The following AMZ1 variants were observed in gnomAD, a reference collection of about 807,000 sequenced individuals.
AMZ1 encodes the protein archaelysin family metallopeptidase 1, also known as archaemetzincin-1.
A neutral mutation model predicts 29.9 loss-of-function variants in AMZ1; 39 were observed. That is an observed-to-expected ratio of 1.30 (90% confidence interval 1.01 to 1.70). AMZ1 has a LOEUF of 1.70. AMZ1 is among the 40% of genes most tolerant of loss of function. AMZ1 has a pLI of 0.00. For synonymous variants in AMZ1, 458 were observed against 304.0 expected, an observed-to-expected ratio of 1.51 and a Z score of -5.27; for missense variants, 1,041 against 680.6, an observed-to-expected ratio of 1.53 and a Z score of -5.89.
chr7:2,717,130 G>A lies in AMZ1; in HGVS notation c.*4252G>A, dbSNP rs886189772. Among the ~76,000 whole-genome samples the A allele has an allele frequency of 2.0e-5, 3 of 152,184 alleles. No homozygotes were observed. Among genetic ancestry groups the A allele is most frequent in the Non-Finnish European group, 4.4e-5 (3 of 68,030 alleles). ...GCTTTCTGGCCCGTGCAGCTCCTTC[G>A]GACTCTGAGGAGAGGCCTGGGTGGG... is the stretch of plus-strand genomic sequence containing the variant. On this transcript the variant is annotated 3_prime_UTR_variant, in exon 7 of 7. Coordinates refer to ENST00000683327, the MANE Select transcript of AMZ1 (RefSeq NM_001384743.1).
Position 2,712,023 on chromosome 7 carries a change from G to C in AMZ1, c.949-307G>C, listed in dbSNP as rs1788812895. On this transcript the variant is annotated intron_variant, in intron 6 of 6. Coordinates refer to ENST00000683327, the MANE Select transcript of AMZ1 (RefSeq NM_001384743.1). Reference sequence around the variant, plus strand: ...GATCGCAGCACTGCACTCCAGCCTGGCCAACAGAGTGAGCCTCTGTCTTAA... The same window carrying C: ...GATCGCAGCACTGCACTCCAGCCTGCCCAACAGAGTGAGCCTCTGTCTTAA... Among the ~76,000 whole-genome samples, 5 of 151,288 alleles carry C rather than the reference G, an allele frequency of 3.3e-5. 1 individual carries two copies.
chr7:2,704,075 G>C (rs1466039471), intron 3 of AMZ1, among the ~76,000 whole-genome samples: 8 of 152,202 alleles, frequency 5.3e-5, no homozygotes, highest in Admixed American at 3.3e-4. Flanking sequence ...ATTTTTAGTA[G>C]AGACGGGATT....
At chr7:2,682,197 C>G (rs1052481440) in intron 1 of AMZ1, among the ~76,000 whole-genome samples, 4 of 152,042 alleles carry the variant, frequency 2.6e-5, no homozygotes, top group African/African-American at 9.7e-5. Flanking sequence ...TGTCTGGGAG[C>G]TCGCCCTGCT....
Position 2,698,921 on chromosome 7 carries a change from C to T in AMZ1, c.-218-1313C>T, listed in dbSNP as rs147869668. Among the ~76,000 whole-genome samples the T allele has an allele frequency of 3.6e-3, 554 of 152,306 alleles. 4 individuals are homozygous for T. The highest frequency in any genetic ancestry group is 0.013 in the African/African-American group (522 of 41,562). On this transcript the variant is annotated intron_variant, in intron 1 of 6. Coordinates refer to ENST00000683327, the MANE Select transcript of AMZ1 (RefSeq NM_001384743.1). ...GCTGTTTCTGGTTTTCCGGCTAGGA[C>T]TGGCAGGTCTTGCAACTTGACGGTC...
intron 6 of AMZ1, 39 bp downstream of exon 6, chr7:2,709,855 G>A: frequency 7.5e-6 from 12 of 1,602,392 alleles, no homozygotes; most frequent in Admixed American, 1.7e-5. Context: ...GCTGGGACCT[G>A]CGCTCCGGAG....
At chr7:2,685,071 G>A (rs960497808), upstream of AMZ1, among the ~76,000 whole-genome samples, 50 of 151,726 alleles carry the variant, frequency 3.3e-4, no homozygotes, top group Middle Eastern at 0.014. Flanking sequence ...GAGTTTCACT[G>A]TGTTAGCCAG....
downstream of AMZ1, among the ~76,000 whole-genome samples, chr7:2,720,507 G>T (rs1469025580): frequency 1.3e-5 from 2 of 152,026 alleles, no homozygotes; most frequent in Non-Finnish European, 2.9e-5. Flanking sequence ...GGGTTCAAAC[G>T]ATTCTCCTGT....
At chr7:2,763,061 A>G (rs1791643862), upstream of AMZ1, 1 of 1,246,294 alleles carries the variant, frequency 8.0e-7, no homozygotes, top group South Asian at 3.7e-5. Flanking sequence ...CAGGACGCAG[A>G]CCGGGGCTCC....
At chr7:2,738,971 A>G (rs554557868) in intron 4 of AMZ1, among the ~76,000 whole-genome samples, 5 of 152,222 alleles carry the variant, frequency 3.3e-5, no homozygotes, top group African/African-American at 1.2e-4. Context: ...AGCCTGGCAC[A>G]CAGCCACCCC....
chr7:2,733,374 A>T, intron 4 of AMZ1: 1 of 1,215,506 alleles, frequency 8.2e-7, no homozygotes, highest in East Asian at 2.5e-5. Context: ...AAGTCCTCAC[A>T]ACGTGGACTG....
At chr7:2,694,202 C>A (rs1787569152) in intron 1 of AMZ1, among the ~76,000 whole-genome samples, 1 of 152,230 alleles carries the variant, frequency 6.6e-6, no homozygotes, top group Non-Finnish European at 1.5e-5. Context: ...CTTCCAATCC[C>A]TCCAGACCCT....
chr7:2,739,358 T>C (rs1171209578), intron 4 of AMZ1, among the ~76,000 whole-genome samples: 1 of 152,328 alleles, frequency 6.6e-6, no homozygotes. Context: ...TCTGGATCTC[T>C]CATTGGAGCG....
At chr7:2,756,939 T>C (rs969693020) in intron 4 of AMZ1, among the ~76,000 whole-genome samples, 1 of 151,978 alleles carries the variant, frequency 6.6e-6, no homozygotes, top group Non-Finnish European at 1.5e-5. Context: ...CCGGGTGTGG[T>C]GGCACATGCC....
At chr7:2,693,179 G>A (rs900361335) in intron 1 of AMZ1, among the ~76,000 whole-genome samples, 5 of 152,168 alleles carry the variant, frequency 3.3e-5, no homozygotes, top group African/African-American at 4.8e-5. Flanking sequence ...TCGGCTCACC[G>A]CAACCTCCGC....
chr7:2,735,054 A>G (rs1453394628), intron 4 of AMZ1, among the ~76,000 whole-genome samples: 1 of 152,182 alleles, frequency 6.6e-6, no homozygotes, highest in Non-Finnish European at 1.5e-5. Context: ...TCCTCTGCAC[A>G]TCATGCCTCC....
At chr7:2,695,574 G>T (rs911494576) in intron 1 of AMZ1, among the ~76,000 whole-genome samples, 2 of 151,738 alleles carry the variant, frequency 1.3e-5, no homozygotes, top group African/African-American at 4.9e-5. Context: ...TTGACTGGGC[G>T]TGTTGGTACA....
intron 2 of AMZ1, 112 bp downstream of exon 2, chr7:2,700,867 G>C: frequency 1.2e-5 from 16 of 1,388,084 alleles, no homozygotes; most frequent in Non-Finnish European, 1.6e-5. Context: ...AGGGAAGAGG[G>C]TCCTGGGTGT....
rs981271969 is a variant in AMZ1, at chr7:2,719,228, CTT to C, written c.*6352_*6353del. ...GGCCCCTGTCGGAAGGGGGGTGTCT[CTT>C]TATTCCTGCCATCCTCCGGCCGCCT... On this transcript the variant is annotated 3_prime_UTR_variant, in exon 7 of 7. Coordinates refer to ENST00000683327, the MANE Select transcript of AMZ1 (RefSeq NM_001384743.1). 5.3e-4 allele frequency among the ~76,000 whole-genome samples: 80 copies of C among 152,282 alleles called. No homozygotes were observed. Among genetic ancestry groups the C allele is most frequent in the African/African-American group, 1.8e-3 (75 of 41,546 alleles).
chr7:2,732,219 G>A (rs115940710), intron 4 of AMZ1, among the ~76,000 whole-genome samples: 1 of 152,130 alleles, frequency 6.6e-6, no homozygotes, highest in Non-Finnish European at 1.5e-5. Flanking sequence ...GCGACACACA[G>A]GCAAGCATAC....
Sources: gnomAD v4.1 joint callset for allele counts (sites outside exome capture counted in the v4.1 genomes callset) on GRCh38, gnomAD v4.1.1 for gene constraint, MANE v1.5 for transcripts, NCBI Gene and HGNC (gene_info 2026-07-23, HGNC 2026-07-21) for gene names.